Variants in MSH5 observed in about 807,000 individuals in gnomAD.
The protein encoded by MSH5 is mutS homolog 5.
A neutral mutation model predicts 107.7 loss-of-function variants in MSH5; 78 were observed. The ratio of observed to expected loss-of-function variants is 0.72; its 90% CI spans 0.60 to 0.87. The LOEUF (loss-of-function observed/expected upper bound fraction) is 0.87. Ranked by LOEUF, MSH5 falls within the 40% of genes least tolerant of loss-of-function variation. The pLI is 0.00. For missense variants in MSH5, 889 were observed against 1,046.6 expected (o/e 0.85, Z 2.08); for synonymous variants, 326 against 399.5 (o/e 0.82, Z 2.19).
chr6:31,750,531 G>A (rs190484147), intron 10 of MSH5, among the ~76,000 whole-genome samples: 6 of 152,338 alleles, frequency 3.9e-5, no homozygotes, highest in African/African-American at 1.4e-4. Context: ...CATTTTCTCA[G>A]TTGTTAAATT....
Position 31,753,547 on chromosome 6 carries a change from G to A in MSH5, c.952-20G>A, listed in dbSNP as rs771405553. On this transcript the variant is annotated intron_variant, in intron 11 of 24. Coordinates refer to ENST00000375750, the MANE Select transcript of MSH5 (RefSeq NM_172166.4). ...AGTGAGGGAAGAGAAAACAGCGGCT[G>A]TAACCTTGTCTGACTGTAGCTGATT... 6.7e-5 allele frequency: 108 copies of A among 1,613,986 alleles called. No homozygotes were observed. Among genetic ancestry groups the A allele is most frequent in the Non-Finnish European group, 8.6e-5 (101 of 1,180,036 alleles).
chr6:31,753,584 G>C lies in MSH5; in HGVS notation c.969G>C (p.Met323Ile). The C allele has an allele frequency of 6.2e-7, 1 of 1,614,214 alleles. No individual in the cohort carries two copies. The highest frequency in any genetic ancestry group is 8.5e-7 in the Non-Finnish European group (1 of 1,180,044). The change falls in exon 12 of 25, where the codon ATG (methionine) becomes ATC (isoleucine). Residue 323 changes from methionine to isoleucine, a missense_variant. Physicochemically the swap from Met to Ile is conservative, Grantham distance 10. Coordinates refer to ENST00000375750, the MANE Select transcript of MSH5 (RefSeq NM_172166.4). ...GACTGTAGCTGATTCTGAAACGCAT[G>C]AAGTTGTCCCACACCAAGGTCAGCG... ...IKNVPLILKR[M>I]KLSHTKVSDW... is the part of the protein sequence containing the mutation.
In MSH5 at chr6:31,759,687, T is replaced by C; in HGVS notation, c.1496-99T>C. On this transcript the variant is annotated intron_variant, in intron 17 of 24. Transcript: ENST00000375750. This position sits in a 1 kb window ranked among gnomAD's most constrained non-coding sequence, Gnocchi z 4.7. Reference sequence around the variant, plus strand: ...CTCTGAATGTCTTGAGGTCTCAGATTGTATCTGCAACCTGTTTCCAGATCC... The same window carrying C: ...CTCTGAATGTCTTGAGGTCTCAGATCGTATCTGCAACCTGTTTCCAGATCC... The C allele has an allele frequency of 7.0e-7, 1 of 1,421,778 alleles. No homozygotes were observed. The highest frequency in any genetic ancestry group is 1.8e-5 in the Admixed American group (1 of 55,268). 88.1% of individuals were successfully genotyped at this position (1,421,778 alleles called of 1,614,324 possible).
intron 10 of MSH5, among the ~76,000 whole-genome samples, chr6:31,748,113 GT>G (rs1197772372): frequency 6.6e-6 from 1 of 152,048 alleles, no homozygotes; most frequent in African/African-American, 2.4e-5. Context: ...TGTGTCTCTA[GT>G]TTTGAACTCC....
rs28381365 is a variant in MSH5, at chr6:31,749,820, T to C, written c.812+2388T>C. Among the ~76,000 whole-genome samples the C allele has an allele frequency of 4.0e-3, 603 of 152,316 alleles. 25 individuals carry two copies. In the South Asian group the frequency reaches 0.074, roughly 19 times the overall value. On this transcript the variant is annotated intron_variant, in intron 10 of 24. Transcript: ENST00000375750. ...ACTCAATGTGTGAACACAACGCAAA[T>C]GTAAACGCACTGGTGACATCATCTC...
At position 31,759,091 on chromosome 6, in the gene MSH5, C is replaced by G. The variant is rs1810726183; in HGVS notation, c.1327-6C>G. 1 of 1,612,038 alleles carries G rather than the reference C, an allele frequency of 6.2e-7. No individual in the cohort carries two copies. The highest frequency in any genetic ancestry group is 8.5e-7 in the Non-Finnish European group (1 of 1,179,284). ...GAGTAGAGTATCTCCTCTTTACTCTCCCCAGATTGGCTTCCTTCTTTCTAT... is the reference window on the plus strand; with the variant it reads ...GAGTAGAGTATCTCCTCTTTACTCTGCCCAGATTGGCTTCCTTCTTTCTAT... On this transcript the variant is annotated splice_region_variant and splice_polypyrimidine_tract_variant and intron_variant, in intron 15 of 24. Coordinates refer to ENST00000375750, the MANE Select transcript of MSH5 (RefSeq NM_172166.4). This position sits in a 1 kb window ranked among gnomAD's most constrained non-coding sequence, Gnocchi z 4.7.
Position 31,758,829 on chromosome 6 carries a change from A to G in MSH5, c.1280A>G (p.Asn427Ser). Residue 427 changes from asparagine to serine, a missense_variant, in exon 15 of 25, where the codon AAT (asparagine) becomes AGT (serine). Physicochemically the swap from Asn to Ser is conservative, Grantham distance 46 (BLOSUM62 1). This residue lies in a region of MSH5 where 518 missense variants were observed against 565.0 expected (regional missense o/e 0.92). Transcript: ENST00000375750. This position sits in a 1 kb window ranked among gnomAD's most constrained non-coding sequence, Gnocchi z 5.1. ...GAGGTTGCCCGCAAGGAGCTGGAGA[A>G]TCTGGACTCCCGTATTCCTTCATGC... is the stretch of plus-strand genomic sequence containing the variant. The part of the protein sequence containing the change: ...LTEVARKELE[N>S]LDSRIPSCSV... The G allele has an allele frequency of 6.2e-7, 1 of 1,614,164 alleles. No homozygotes were observed. The highest frequency in any genetic ancestry group is 1.3e-5 in the African/African-American group (1 of 75,034).
Position 31,740,418 on chromosome 6 carries a change from T to C in MSH5, c.-13-36T>C, listed in dbSNP as rs1300999008. The C allele has an allele frequency of 1.3e-6, 2 of 1,539,686 alleles. No homozygotes were observed. Among genetic ancestry groups the C allele is most frequent in the South Asian group, 2.4e-5 (2 of 83,204 alleles). ...CTACCCCGGCCTCCTCTGTGAATCGTTGCTTCCGAACCGCCCTCACTTTTT... is the reference window on the plus strand; with the variant it reads ...CTACCCCGGCCTCCTCTGTGAATCGCTGCTTCCGAACCGCCCTCACTTTTT... On this transcript the variant is annotated intron_variant, in intron 1 of 24. Transcript: ENST00000375750. This position sits in a 1 kb window ranked among gnomAD's most constrained non-coding sequence, Gnocchi z 4.4.
intron 5 of MSH5, 27 bp from the exon 6 acceptor site, chr6:31,743,877 T>C: frequency 6.2e-7 from 1 of 1,611,412 alleles, no homozygotes; most frequent in Non-Finnish European, 8.5e-7. Context: ...TACAAGACCG[T>C]TCCCTTTGCT....
Position 31,761,108 on chromosome 6 carries a change from C to A in MSH5, c.1963-80C>A. On this transcript the variant is annotated intron_variant, in intron 20 of 24. Transcript: ENST00000375750. This position sits in a 1 kb window ranked among gnomAD's most constrained non-coding sequence, Gnocchi z 5.3. ...TGCAGTAGGGAGGGCATGTATACAGCTTTATTCACAGGCCAACTGTGGTCA... is the reference window on the plus strand; with the variant it reads ...TGCAGTAGGGAGGGCATGTATACAGATTTATTCACAGGCCAACTGTGGTCA... The A allele has an allele frequency of 7.2e-7, 1 of 1,397,470 alleles. No homozygotes were observed. Among genetic ancestry groups the A allele is most frequent in the Non-Finnish European group, 1.0e-6 (1 of 1,002,806 alleles). 86.6% of individuals were successfully genotyped at this position (1,397,470 alleles called of 1,614,324 possible). A position where few individuals can be genotyped will look rare whatever the true frequency, so the allele number is the denominator to read the frequency against.
At chr6:31,755,990 T>C (rs1303463085) in intron 12 of MSH5, among the ~76,000 whole-genome samples, 1 of 152,120 alleles carries the variant, frequency 6.6e-6, no homozygotes, top group Non-Finnish European at 1.5e-5. Context: ...CATTTCTCTC[T>C]CTTCTATAGT....
chr6:31,761,893 C>T lies in MSH5; in HGVS notation c.2257C>T (p.His753Tyr). Reference protein sequence around the residue: ...QVCEGVAKASHASHTAAQAGL... With the variant: ...QVCEGVAKASYASHTAAQAGL... ...TTGCGAAGGTGTTGCGAAGGCCAGC[C>T]ATGCCTCCCACACAGCTGCCCAGGC... Residue 753 changes from histidine to tyrosine, a missense_variant, in exon 23 of 25, where the codon CAT (histidine) becomes TAT (tyrosine). Around this residue, in one of 3 missense-constraint regions of MSH5, gnomAD observed 362 missense variants for 456.2 expected, o/e 0.79. Coordinates refer to ENST00000375750, the MANE Select transcript of MSH5 (RefSeq NM_172166.4). The surrounding 1 kb of genome is among the most constrained non-coding windows in gnomAD (Gnocchi z 5.3). The T allele has an allele frequency of 6.2e-7, 1 of 1,613,336 alleles. No homozygotes were observed. The highest frequency in any genetic ancestry group is 1.3e-5 in the African/African-American group (1 of 74,978).
intron 10 of MSH5, 100 bp from the exon 11 acceptor site, chr6:31,753,201 T>C (rs937557765): frequency 1.5e-5 from 22 of 1,419,496 alleles, no homozygotes; most frequent in African/African-American, 2.8e-5. Context: ...TGGATACATA[T>C]TGCCACAATC....
At chr6:31,743,285 G>C (rs1291998362) in intron 5 of MSH5, 115 bp downstream of exon 5, 5 of 1,118,754 alleles carry the variant, frequency 4.5e-6, no homozygotes, top group Non-Finnish European at 6.8e-6. Context: ...CTAAACCTTT[G>C]TGCTCCTCAT....
At chr6:31,744,447 G>A (rs1809221938) in intron 7 of MSH5, 99 bp from the exon 8 acceptor site, 4 of 1,555,670 alleles carry the variant, frequency 2.6e-6, no homozygotes, top group Non-Finnish European at 3.5e-6. Flanking sequence ...ATGAGACTTT[G>A]GGAAGAAGAC....
At chr6:31,744,606 GTC>G in intron 8 of MSH5, 25 bp downstream of exon 8, 1 of 1,612,730 alleles carries the variant, frequency 6.2e-7, no homozygotes, top group Non-Finnish European at 8.5e-7. Context: ...GCATGCTGCT[GTC>G]TCTGGGGAGG....
chr6:31,749,217 A>G (rs1352388858), intron 10 of MSH5, among the ~76,000 whole-genome samples: 2 of 152,056 alleles, frequency 1.3e-5, no homozygotes, highest in Non-Finnish European at 1.5e-5. Context: ...CCCGGCCTGG[A>G]AAGTCTTTTC....
Position 31,758,270 on chromosome 6 carries a change from A to G in MSH5, c.1120A>G (p.Ile374Val), listed in dbSNP as rs371214465. Residue 374 changes from isoleucine to valine, a missense_variant, in exon 13 of 25, where the codon ATC becomes GTC. By Grantham distance (29) the Ile-to-Val change is conservative (BLOSUM62 3). This residue lies in a region of MSH5 where 518 missense variants were observed against 565.0 expected (regional missense o/e 0.92). Transcript: ENST00000375750. This position sits in a 1 kb window ranked among gnomAD's most constrained non-coding sequence, Gnocchi z 5.1. ...AGAGTTCTCTGATGACCTGCACCATATCGCCAGCCTCATTGGGAAAGTAGT... is the reference window on the plus strand; with the variant it reads ...AGAGTTCTCTGATGACCTGCACCATGTCGCCAGCCTCATTGGGAAAGTAGT... ...AQEFSDDLHH[I>V]ASLIGKVVDF... The G allele has an allele frequency of 3.6e-5, 58 of 1,612,868 alleles. No individual in the cohort carries two copies. Among genetic ancestry groups the G allele is most frequent in the Non-Finnish European group, 4.7e-5 (56 of 1,180,032 alleles).
intron 7 of MSH5, 61 bp downstream of exon 7, chr6:31,744,360 A>G: frequency 1.2e-6 from 2 of 1,607,772 alleles, no homozygotes; most frequent in Non-Finnish European, 1.7e-6. Flanking sequence ...TGAAAAGTAA[A>G]GTGGGGGTGG....
Sources: allele counts gnomAD v4.1 joint callset (sites outside exome capture counted in the v4.1 genomes callset), GRCh38; gene constraint gnomAD v4.1.1; regional missense constraint gnomAD v4.1.1; non-coding constraint Gnocchi (gnomAD v3.1); transcripts MANE v1.5; gene names NCBI Gene and HGNC (gene_info 2026-07-23, HGNC 2026-07-21).